The following FYN variants were observed in gnomAD, a reference collection of about 807,000 sequenced individuals.
The protein encoded by FYN is tyrosine-protein kinase Fyn.
FYN carries 10 observed loss-of-function variants against 70.2 expected under a neutral mutation model. That is an observed-to-expected ratio of 0.14 (90% CI 0.09 to 0.24). The LOEUF is 0.24. FYN is among the 10% of genes least tolerant of loss of function. The probability of loss-of-function intolerance (pLI) is 1.00; values close to 1 mark genes in which losing one functional copy is unlikely to be tolerated. For synonymous variants in FYN, 236 were observed against 248.6 expected (o/e 0.95, Z 0.48); for missense variants, 319 against 673.1 (o/e 0.47, Z 5.82).
chr6:111,784,615 C>T (rs376631056), intron 2 of FYN, among the ~76,000 whole-genome samples: 1 of 152,174 alleles, frequency 6.6e-6, no homozygotes, highest in Non-Finnish European at 1.5e-5. Context: ...AGAAGCCACA[C>T]TGATATGTCA....
intron 3 of FYN, among the ~76,000 whole-genome samples, chr6:111,741,292 G>C (rs530474114): frequency 1.2e-3 from 188 of 152,276 alleles, no homozygotes; most frequent in Non-Finnish European, 2.0e-3. Flanking sequence ...TGGGAGTAGA[G>C]GCTTTGCTGG....
intron 5 of FYN, among the ~76,000 whole-genome samples, chr6:111,711,993 A>C (rs2128455156): frequency 6.6e-6 from 1 of 152,338 alleles, no homozygotes; most frequent in African/African-American, 2.4e-5. Context: ...GGAGGCTCAA[A>C]GGACTCCGTA....
chr6:111,767,547 T>G (rs927096234), intron 3 of FYN, among the ~76,000 whole-genome samples: 4 of 152,104 alleles, frequency 2.6e-5, no homozygotes, highest in Non-Finnish European at 5.9e-5. Flanking sequence ...ACTACAGGCA[T>G]GCACCACCAC....
intron 2 of FYN, among the ~76,000 whole-genome samples, chr6:111,788,422 A>C (rs890540840): frequency 3.3e-5 from 5 of 152,202 alleles, no homozygotes; most frequent in African/African-American, 1.2e-4. Flanking sequence ...TAGCATGTAT[A>C]GACTGATGAT....
At chr6:111,842,047 C>T (rs924552957) in intron 2 of FYN, among the ~76,000 whole-genome samples, 2 of 152,046 alleles carry the variant, frequency 1.3e-5, no homozygotes, top group Non-Finnish European at 2.9e-5. Flanking sequence ...TCTCCCTGCC[C>T]GCAAGTCAAA....
chr6:111,687,530 G>C (rs1182764988), intron 12 of FYN, among the ~76,000 whole-genome samples: 1 of 141,806 alleles, frequency 7.1e-6, no homozygotes, highest in Non-Finnish European at 1.5e-5. Context: ...CAGGAGAAAG[G>C]ATGATAGAGG....
chr6:111,719,606 C>T, intron 4 of FYN, 199 bp downstream of exon 4: 2 of 615,550 alleles, frequency 3.2e-6, no homozygotes, highest in Non-Finnish European at 5.5e-6. Flanking sequence ...GGGCACCTTG[C>T]AACCCTGTAG....
chr6:111,783,349 TGAGATTTCCACTCACAGAACAAA>T (rs554935840), intron 2 of FYN, among the ~76,000 whole-genome samples: 31 of 152,168 alleles, frequency 2.0e-4, no homozygotes, highest in Admixed American at 1.8e-3. Context: ...CCATGACTGA[TGAGATTTCCACTCACAGAACAAA>T]GGCTGGATTT....
chr6:111,736,062 A>G (rs1189095920), intron 3 of FYN, among the ~76,000 whole-genome samples: 1 of 152,174 alleles, frequency 6.6e-6, no homozygotes, highest in Non-Finnish European at 1.5e-5. Context: ...AGGTCATCAG[A>G]AGAAAGACAG....
intron 7 of FYN, among the ~76,000 whole-genome samples, 183 bp from the exon 8 acceptor site, chr6:111,703,217 A>G (rs1799921783): frequency 6.6e-6 from 1 of 152,204 alleles, no homozygotes; most frequent in African/African-American, 2.4e-5. Flanking sequence ...ATGTCAGAAT[A>G]TATTAGCAAT....
At chr6:111,783,037 C>T (rs1274745731) in intron 2 of FYN, among the ~76,000 whole-genome samples, 9 of 152,336 alleles carry the variant, frequency 5.9e-5, no homozygotes, top group South Asian at 4.1e-4. Flanking sequence ...ATGCTAAGCA[C>T]GCTGAGCCTG....
intron 3 of FYN, among the ~76,000 whole-genome samples, chr6:111,750,165 G>A (rs551782096): frequency 5.3e-5 from 8 of 152,236 alleles, no homozygotes; most frequent in Non-Finnish European, 7.4e-5. Flanking sequence ...GTATGTCTCC[G>A]TCCAAATCTC....
rs116967403 is a variant in FYN, at chr6:111,837,853, T to C, written c.-82+8736A>G. Among the ~76,000 whole-genome samples, 1,461 of 152,330 alleles carry C rather than the reference T, an allele frequency of 9.6e-3. 14 individuals carry two copies. The highest frequency in any genetic ancestry group is 0.017 in the Middle Eastern group (5 of 294). On this transcript the variant is annotated intron_variant, in intron 2 of 13. Transcript: ENST00000354650. ...ACCCTGAAACCATCTCACTTTCTCA[T>C]GGCAGCCTTATCTGGAGGGACTATG...
chr6:111,747,895 A>G (rs975944740), intron 3 of FYN, among the ~76,000 whole-genome samples: 2 of 152,226 alleles, frequency 1.3e-5, no homozygotes, highest in African/African-American at 4.8e-5. Context: ...GATAGGCACT[A>G]TTATTGTTCC....
chr6:111,824,064 G>A (rs377741989), intron 2 of FYN, among the ~76,000 whole-genome samples: 1 of 152,188 alleles, frequency 6.6e-6, no homozygotes, highest in East Asian at 1.9e-4. Flanking sequence ...TGGGCAAATA[G>A]CTTAAAAAGC....
chr6:111,661,208 A>G lies in FYN; in HGVS notation c.*531T>C, dbSNP rs1351068670. 1.3e-5 allele frequency: 2 copies of G among 152,312 alleles called. No homozygotes were observed. Among genetic ancestry groups the G allele is most frequent in the Admixed American group, 6.5e-5 (1 of 15,274 alleles). 9.4% of individuals were successfully genotyped at this position (152,312 alleles called of 1,614,324 possible). On this transcript the variant is annotated 3_prime_UTR_variant, in exon 14 of 14. Coordinates refer to ENST00000354650, the MANE Select transcript of FYN (RefSeq NM_002037.5). This position sits in a 1 kb window ranked among gnomAD's most constrained non-coding sequence, Gnocchi z 4.0. Reference sequence around the variant, plus strand: ...GTCTCCACATTAGCACCCACATTGTATATGTACAGGGACATATATATTATA... The same window carrying G: ...GTCTCCACATTAGCACCCACATTGTGTATGTACAGGGACATATATATTATA...
At chr6:111,767,441 G>A (rs1383560336) in intron 3 of FYN, among the ~76,000 whole-genome samples, 1 of 152,070 alleles carries the variant, frequency 6.6e-6, no homozygotes, top group East Asian at 1.9e-4. Context: ...TCGCTCTGTT[G>A]CCCAGGCTGG....
chr6:111,714,098 C>T (rs1359232560), intron 5 of FYN, among the ~76,000 whole-genome samples: 3 of 152,158 alleles, frequency 2.0e-5, no homozygotes, highest in Non-Finnish European at 2.9e-5. Flanking sequence ...AAACCTAAAC[C>T]AAAACCAATA....
At chr6:111,779,663 G>C (rs377323587) in intron 3 of FYN, among the ~76,000 whole-genome samples, 1 of 152,168 alleles carries the variant, frequency 6.6e-6, no homozygotes, top group African/African-American at 2.4e-5. Flanking sequence ...CTTATGAAGT[G>C]AATATTGGAG....
Sources: gnomAD v4.1 joint callset for allele counts (sites outside exome capture counted in the v4.1 genomes callset) on GRCh38, gnomAD v4.1.1 for gene constraint, Gnocchi (gnomAD v3.1) non-coding constraint, MANE v1.5 for transcripts, NCBI Gene and HGNC (gene_info 2026-07-23, HGNC 2026-07-21) for gene names.